The following AKT2 variants were observed in gnomAD, a reference collection of about 807,000 sequenced individuals.
AKT2 encodes RAC-beta serine/threonine-protein kinase.
AKT2 carries 16 observed loss-of-function variants against 58.6 expected under a neutral mutation model. The observed-to-expected ratio is 0.27, with a 90% confidence interval of 0.18 to 0.41. The LOEUF is 0.41. Among genes scored for constraint, AKT2 ranks in the 10% least tolerant of loss-of-function variants. The pLI is 1.00. For missense variants in AKT2, 438 were observed against 661.0 expected, an observed-to-expected ratio of 0.66 and a Z score of 3.70; for synonymous variants, 253 against 254.0, an observed-to-expected ratio of 1.00 and a Z score of 0.04.
intron 1 of AKT2, among the ~76,000 whole-genome samples, chr19:40,276,164 G>A (rs1030731428): frequency 3.3e-5 from 5 of 151,574 alleles, no homozygotes; most frequent in East Asian, 1.9e-4. Context: ...ATCCCAGTGC[G>A]GCTGGAAGCT....
chr19:40,241,934 G>C lies in AKT2; in HGVS notation c.573+4C>G, dbSNP rs1251882682. On this transcript the variant is annotated splice_donor_region_variant and intron_variant, in intron 6 of 13. Transcript: ENST00000392038. ...CTCGCGAGCGCAATTCCCGGGGCAC[G>C]CACCTTGGCAATGATGACTTCCTTC... is the stretch of plus-strand genomic sequence containing the variant. 6.2e-7 allele frequency: 1 copy of C among 1,613,760 alleles called. No homozygotes were observed. The highest frequency in any genetic ancestry group is 8.5e-7 in the Non-Finnish European group (1 of 1,180,022).
At chr19:40,267,815 G>T (rs1268315116) in intron 1 of AKT2, among the ~76,000 whole-genome samples, 5 of 152,224 alleles carry the variant, frequency 3.3e-5, no homozygotes, top group Non-Finnish European at 4.4e-5. Flanking sequence ...TCACAGTCTG[G>T]TGTGAGGGGC....
intron 2 of AKT2, among the ~76,000 whole-genome samples, chr19:40,263,206 C>T (rs1025001663): frequency 5.9e-5 from 9 of 152,350 alleles, no homozygotes; most frequent in African/African-American, 1.7e-4. Context: ...CATCCCAAGG[C>T]TCTCACAGTC....
Position 40,237,929 on chromosome 19 carries a change from G to T in AKT2, c.831+40C>A. 6.2e-7 allele frequency: 1 copy of T among 1,609,666 alleles called. No homozygotes were observed. Among genetic ancestry groups the T allele is most frequent in the Admixed American group, 1.7e-5 (1 of 59,840 alleles). ...CCCCAGTGTGAGTCCCATGTGGTGT[G>T]CATGCCACAGGTCAGCCTGGCGCAC... On this transcript the variant is annotated intron_variant, in intron 9 of 13. Transcript: ENST00000392038. This position sits in a 1 kb window ranked among gnomAD's most constrained non-coding sequence, Gnocchi z 4.5.
chr19:40,264,407 C>T (rs1203070322), intron 2 of AKT2, among the ~76,000 whole-genome samples: 1 of 152,188 alleles, frequency 6.6e-6, no homozygotes, highest in African/African-American at 2.4e-5. Context: ...ATGGATCAGG[C>T]CACGCATCGG....
chr19:40,265,386 G>A (rs1976275877), intron 1 of AKT2, 35 bp from the exon 2 acceptor site: 1 of 1,536,424 alleles, frequency 6.5e-7, no homozygotes, highest in Non-Finnish European at 8.7e-7. Flanking sequence ...CAGGGCGGGA[G>A]GGGATTCCAC....
intron 2 of AKT2, among the ~76,000 whole-genome samples, chr19:40,263,686 G>C (rs975117712): frequency 6.6e-6 from 1 of 152,182 alleles, no homozygotes; most frequent in Non-Finnish European, 1.5e-5. Context: ...AGTCAGGTGG[G>C]GAGGCTGCTC....
chr19:40,285,181 CT>C lies in AKT2; in HGVS notation c.-86del. 2.5e-6 allele frequency: 1 copy of C among 394,426 alleles called. No individual in the cohort carries two copies. Among genetic ancestry groups the C allele is most frequent in the Non-Finnish European group, 4.5e-6 (1 of 223,280 alleles). The allele number at this position is 394,426 out of a possible 1,614,324, so 24.4% of individuals were successfully genotyped here. A position where few individuals can be genotyped will look rare whatever the true frequency, so the allele number is the denominator to read the frequency against. ...CGGGGACACGCGCTGGCGCACTCACCTGTCACCGGCAGCCGCCCAGCCTCTC... is the reference window on the plus strand; with the variant it reads ...CGGGGACACGCGCTGGCGCACTCACCGTCACCGGCAGCCGCCCAGCCTCTC... On this transcript the variant is annotated splice_region_variant and 5_prime_UTR_variant, in exon 1 of 14. Transcript: ENST00000392038.
intron 1 of AKT2, among the ~76,000 whole-genome samples, chr19:40,280,998 G>A (rs1184722717): frequency 6.6e-6 from 1 of 152,206 alleles, no homozygotes; most frequent in East Asian, 1.9e-4. Flanking sequence ...TGCAACGCTG[G>A]CACATACGAG....
At chr19:40,241,583 A>G in intron 6 of AKT2, 1 of 313,096 alleles carries the variant, frequency 3.2e-6, no homozygotes, top group Admixed American at 4.6e-5. Flanking sequence ...GTAGAATTCC[A>G]CTCCTGGCCC....
intron 4 of AKT2, among the ~76,000 whole-genome samples, chr19:40,246,788 G>A (rs1974779059): frequency 6.6e-6 from 1 of 152,258 alleles, no homozygotes; most frequent in Admixed American, 6.5e-5. Context: ...GGAATCAGGA[G>A]CACAGGCCCT....
At chr19:40,251,548 T>A in intron 4 of AKT2, among the ~76,000 whole-genome samples, 1 of 150,746 alleles carries the variant, frequency 6.6e-6, no homozygotes, top group Non-Finnish European at 1.5e-5. Flanking sequence ...GCCTGGCTTG[T>A]CAAAAAAATA....
At chr19:40,283,726 A>G (rs1219309378) in intron 1 of AKT2, among the ~76,000 whole-genome samples, 1 of 152,160 alleles carries the variant, frequency 6.6e-6, no homozygotes, top group Non-Finnish European at 1.5e-5. Flanking sequence ...ATAAGACACC[A>G]GATCCATGGG....
chr19:40,241,876 G>A, intron 6 of AKT2, 62 bp downstream of exon 6: 1 of 1,610,558 alleles, frequency 6.2e-7, no homozygotes, highest in Non-Finnish European at 8.5e-7. Context: ...CCAGGCCTCA[G>A]GGTCAGGCTC....
rs138643716 is a variant in AKT2 at position 40,230,700 on chromosome 19, T to A, written c.*3172A>T. ...TATACTCCTGCTTTGCTGTCTTTTT[T>A]AATAGCATGTATCATGTTTTTTTTT... is the stretch of plus-strand genomic sequence containing the variant. On this transcript the variant is annotated 3_prime_UTR_variant, in exon 14 of 14. Coordinates refer to ENST00000392038, the MANE Select transcript of AKT2 (RefSeq NM_001626.6). 153 of 217,532 alleles carry A rather than the reference T, an allele frequency of 7.0e-4. 1 individual carries two copies. Among genetic ancestry groups the A allele is most frequent in the African/African-American group, 2.9e-3 (130 of 44,308 alleles). The allele number at this position is 217,532 out of a possible 1,614,324, so 13.5% of individuals were successfully genotyped here.
At chr19:40,270,818 G>A (rs150357248) in intron 1 of AKT2, 3 of 152,140 alleles carry the variant, frequency 2.0e-5, no homozygotes, top group Admixed American at 6.6e-5. Context: ...TTCAAGACCA[G>A]CCTTGGTAAC....
chr19:40,263,499 TCA>T lies in AKT2; in HGVS notation c.46+1721_46+1722del, dbSNP rs529130520. 6.4e-4 allele frequency among the ~76,000 whole-genome samples: 98 copies of T among 152,334 alleles called. No individual in the cohort carries two copies. The Middle Eastern group carries it at 0.017, about 26-fold the overall frequency. On this transcript the variant is annotated intron_variant, in intron 2 of 13. Coordinates refer to ENST00000392038, the MANE Select transcript of AKT2 (RefSeq NM_001626.6). ...GGCTCAGTGAGGTGACATGGCTTGC[TCA>T]CAGTTGCACTAAGAGGAAGCAGCAG...
At chr19:40,259,995 A>C (rs2145327356) in intron 2 of AKT2, among the ~76,000 whole-genome samples, 1 of 152,288 alleles carries the variant, frequency 6.6e-6, no homozygotes, top group East Asian at 1.9e-4. Context: ...TCTACTAAAA[A>C]TACAAAAATT....
At chr19:40,285,090 C>T in intron 1 of AKT2, 91 bp downstream of exon 1, 1 of 388,884 alleles carries the variant, frequency 2.6e-6, no homozygotes, top group Non-Finnish European at 4.5e-6. Context: ...CCCCGCCGGG[C>T]ACGGGTGGTA....
Sources: gnomAD v4.1 joint callset for allele counts (sites outside exome capture counted in the v4.1 genomes callset) on GRCh38, gnomAD v4.1.1 for gene constraint, Gnocchi (gnomAD v3.1) non-coding constraint, MANE v1.5 for transcripts, NCBI Gene and HGNC (gene_info 2026-07-23, HGNC 2026-07-21) for gene names.